Variants in PPM1H observed in about 807,000 individuals in gnomAD.
PPM1H encodes protein phosphatase 1H.
In PPM1H, 27 loss-of-function variants were observed where a neutral mutation model predicts 54.9. The observed-to-expected ratio is 0.49, with a 90% CI of 0.36 to 0.68. PPM1H has a LOEUF of 0.68. Ranked by LOEUF, PPM1H falls within the 30% of genes least tolerant of loss-of-function variation. PPM1H has a pLI of 0.00. For synonymous variants in PPM1H, 305 were observed against 270.8 expected, an observed-to-expected ratio of 1.13 and a Z score of -1.24; for missense variants, 596 against 667.8, an observed-to-expected ratio of 0.89 and a Z score of 1.19.
intron 1 of PPM1H, among the ~76,000 whole-genome samples, chr12:62,868,380 C>A (rs955631326): frequency 1.3e-5 from 2 of 152,178 alleles, no homozygotes; most frequent in African/African-American, 2.4e-5. Flanking sequence ...ACAAAGCCTT[C>A]CCTGCCTCGG....
chr12:62,861,444 G>C (rs945809076), intron 1 of PPM1H, among the ~76,000 whole-genome samples: 5 of 152,204 alleles, frequency 3.3e-5, no homozygotes, highest in African/African-American at 1.2e-4. Context: ...CAGATGATTA[G>C]CTTCAGTTGA....
chr12:62,893,343 G>A lies in PPM1H; in HGVS notation c.245+41149C>T, dbSNP rs1459381532. ...GTCAGCAGAGTTTATTTCTTCTGAG[G>A]CCTCTCTCCTTGAAGGTGGTCTTCC... On this transcript the variant is annotated intron_variant, in intron 1 of 9. Coordinates refer to ENST00000228705, the MANE Select transcript of PPM1H (RefSeq NM_020700.2). Among the ~76,000 whole-genome samples the A allele has an allele frequency of 5.9e-5, 9 of 152,106 alleles. No individual in the cohort carries two copies. The East Asian group carries it at 1.2e-3, about 20-fold the overall frequency.
chr12:62,727,512 G>T (rs779678371), intron 5 of PPM1H, among the ~76,000 whole-genome samples: 1 of 151,878 alleles, frequency 6.6e-6, no homozygotes. Flanking sequence ...GCTGCATGTG[G>T]TTTTTAAAAC....
chr12:62,808,258 G>A (rs2076816671), intron 2 of PPM1H, among the ~76,000 whole-genome samples: 1 of 152,084 alleles, frequency 6.6e-6, no homozygotes, highest in South Asian at 2.1e-4. Flanking sequence ...ATTTTATATT[G>A]TAGGAAAATG....
At chr12:62,653,103 C>A (rs924148974) in intron 9 of PPM1H, among the ~76,000 whole-genome samples, 4 of 152,168 alleles carry the variant, frequency 2.6e-5, no homozygotes, top group East Asian at 3.8e-4. Flanking sequence ...TGTCTTTTAT[C>A]ATTCCTTTAT....
chr12:62,764,842 G>A (rs1177319593), intron 4 of PPM1H, among the ~76,000 whole-genome samples: 1 of 152,206 alleles, frequency 6.6e-6, no homozygotes, highest in Non-Finnish European at 1.5e-5. Context: ...GAGAAGGATG[G>A]AGGGAGAGAA....
intron 4 of PPM1H, among the ~76,000 whole-genome samples, chr12:62,745,051 G>C (rs545101299): frequency 2.0e-5 from 3 of 152,284 alleles, no homozygotes; most frequent in African/African-American, 7.2e-5. Flanking sequence ...TGCAGTAAGA[G>C]AAGAAAGGTT....
chr12:62,843,518 C>T (rs1235393450), intron 1 of PPM1H, among the ~76,000 whole-genome samples: 1 of 152,188 alleles, frequency 6.6e-6, no homozygotes. Context: ...TGAGGTTTTA[C>T]ATTATGTATT....
intron 1 of PPM1H, among the ~76,000 whole-genome samples, chr12:62,924,703 C>A (rs2121176575): frequency 6.6e-6 from 1 of 152,254 alleles, no homozygotes; most frequent in Non-Finnish European, 1.5e-5. Flanking sequence ...CATTTGATAA[C>A]AATACAAGTA....
chr12:62,924,064 C>A (rs1213232233), intron 1 of PPM1H, among the ~76,000 whole-genome samples: 1 of 152,118 alleles, frequency 6.6e-6, no homozygotes, highest in African/African-American at 2.4e-5. Flanking sequence ...TTGATTATGT[C>A]CACACTTGAC....
At chr12:62,923,048 C>A (rs996658195) in intron 1 of PPM1H, among the ~76,000 whole-genome samples, 3 of 151,208 alleles carry the variant, frequency 2.0e-5, no homozygotes, top group African/African-American at 7.3e-5. Context: ...TGAGCATTTG[C>A]AGGGGCCAAT....
intron 1 of PPM1H, among the ~76,000 whole-genome samples, chr12:62,856,645 T>C (rs187806497): frequency 6.6e-6 from 1 of 152,216 alleles, no homozygotes; most frequent in Admixed American, 6.5e-5. Flanking sequence ...GATCACTATA[T>C]GTATTGCAAC....
Position 62,801,919 on chromosome 12 carries a change from G to A in PPM1H, c.653C>T (p.Ala218Val). 3.7e-6 allele frequency: 6 copies of A among 1,613,312 alleles called. No individual in the cohort carries two copies. Among genetic ancestry groups the A allele is most frequent in the Non-Finnish European group, 5.1e-6 (6 of 1,179,620 alleles). ...GGGGGGCGTGCTGGGGGAGCCCGGG[G>A]CCCCCACCCCTCCGCGCAGGGAGGC... ...RAASLRGGVG[A>V]PGSPSTPPTR... Residue 218 changes from alanine (A) to valine (V), a missense_variant, in exon 3 of 10, where the codon GCC (alanine) becomes GTC (valine). Physicochemically the swap from Ala to Val is moderately conservative, Grantham distance 64. Around this residue, in one of 3 missense-constraint regions of PPM1H, gnomAD observed 382 missense variants for 387.1 expected, o/e 0.99. Transcript: ENST00000228705.
Position 62,912,089 on chromosome 12 carries a change from A to G in PPM1H, c.245+22403T>C, listed in dbSNP as rs554581016. ...ATTAAAAAAGAAAAAGATGGCATCC[A>G]TTTCACAATACTCTTGAGCCTACAA... is the stretch of plus-strand genomic sequence containing the variant. On this transcript the variant is annotated intron_variant, in intron 1 of 9. Transcript: ENST00000228705. 3.9e-5 allele frequency among the ~76,000 whole-genome samples: 6 copies of G among 152,326 alleles called. No individual in the cohort carries two copies. The East Asian group carries it at 1.2e-3, about 29-fold the overall frequency.
intron 6 of PPM1H, among the ~76,000 whole-genome samples, chr12:62,717,728 T>TA (rs1016021816): frequency 6.6e-6 from 1 of 151,422 alleles, no homozygotes; most frequent in African/African-American, 2.4e-5. Context: ...GAAAGAAACA[T>TA]AAAAAAACTA....
rs1260320891 is a variant in PPM1H, at chr12:62,720,666, TC to T, written c.955-378del. 5 of 188,008 alleles carry T rather than the reference TC, an allele frequency of 2.7e-5. No individual in the cohort carries two copies. The Admixed American group carries it at 2.8e-4, about 10-fold the overall frequency. The allele number at this position is 188,008 out of a possible 1,614,324, so 11.6% of individuals were successfully genotyped here. ...CTTTTCCACACTCATCTCACTTACA[TC>T]CTTGGTTATCACGGCCTTGCCTTTG... On this transcript the variant is annotated intron_variant, in intron 5 of 9. Transcript: ENST00000228705.
chr12:62,749,190 C>T (rs571024413), intron 4 of PPM1H, among the ~76,000 whole-genome samples: 17 of 152,294 alleles, frequency 1.1e-4, no homozygotes, highest in Non-Finnish European at 2.2e-4. Context: ...CCCCTTGGAA[C>T]GCAGAGCTAC....
intron 8 of PPM1H, 51 bp downstream of exon 8, chr12:62,689,648 C>A: frequency 7.0e-7 from 1 of 1,428,116 alleles, no homozygotes; most frequent in Admixed American, 1.9e-5. Context: ...GGAGGAATAA[C>A]GCCGAAAATG....
chr12:62,662,550 T>C (rs2075890777), intron 9 of PPM1H, among the ~76,000 whole-genome samples: 1 of 152,160 alleles, frequency 6.6e-6, no homozygotes, highest in Admixed American at 6.5e-5. Context: ...CACCTAATAA[T>C]ATATATGCAT....
Sources: allele counts gnomAD v4.1 joint callset (sites outside exome capture counted in the v4.1 genomes callset), GRCh38; gene constraint gnomAD v4.1.1; regional missense constraint gnomAD v4.1.1; transcripts MANE v1.5; gene names NCBI Gene and HGNC (gene_info 2026-07-23, HGNC 2026-07-21).